Variants in NBEA observed in about 807,000 individuals in gnomAD.
NBEA encodes the protein lysosomal-trafficking regulator 2.
A neutral mutation model predicts 343.4 loss-of-function variants in NBEA; 44 were observed. The observed-to-expected ratio is 0.13, with a 90% CI of 0.10 to 0.16. The LOEUF (loss-of-function observed/expected upper bound fraction) is 0.16, where lower values mean the gene tolerates loss of function less well. NBEA is among the 10% of genes least tolerant of loss of function. NBEA has a pLI of 1.00. For missense variants in NBEA, 2,555 were observed against 3,631.3 expected, an observed-to-expected ratio of 0.70 and a Z score of 7.62; for synonymous variants, 1,175 against 1,238.7, an observed-to-expected ratio of 0.95 and a Z score of 1.08.
At chr13:35,668,543 T>G (rs2085461429) in intron 58 of NBEA, 24 bp downstream of exon 58, 1 of 1,557,574 alleles carries the variant, frequency 6.4e-7, no homozygotes, top group African/African-American at 1.4e-5. Flanking sequence ...AGGACAAGTA[T>G]CATCACTGAG....
intron 8 of NBEA, among the ~76,000 whole-genome samples, chr13:35,063,289 G>C (rs1427077094): frequency 6.6e-6 from 1 of 151,960 alleles, no homozygotes; most frequent in Non-Finnish European, 1.5e-5. Context: ...GAGAAGTAGG[G>C]TGTGCAGTAT....
chr13:35,266,294 T>C (rs1426808999), intron 34 of NBEA, among the ~76,000 whole-genome samples: 7 of 151,870 alleles, frequency 4.6e-5, no homozygotes, highest in Non-Finnish European at 8.8e-5. Context: ...TTCAAAAACC[T>C]AAAAACAGAA....
rs193162373 is a variant in NBEA at position 35,425,795 on chromosome 13, G to A, written c.6180-6474G>A. On this transcript the variant is annotated intron_variant, in intron 38 of 58. Transcript: ENST00000379939. The stretch of plus-strand genomic sequence containing the variant: ...GTGTGGGAGTCTGAGTCTCTTTGTA[G>A]GTCACTAAGGACTTGCTTTATGAAT... Among the ~76,000 whole-genome samples, 866 of 152,126 alleles carry A rather than the reference G, an allele frequency of 5.7e-3. 16 individuals are homozygous for A. Among genetic ancestry groups the A allele is most frequent in the African/African-American group, 0.02 (815 of 41,494 alleles).
chr13:35,319,921 T>A (rs1486279078), intron 36 of NBEA, among the ~76,000 whole-genome samples: 1 of 150,630 alleles, frequency 6.6e-6, no homozygotes, highest in South Asian at 2.1e-4. Flanking sequence ...AACCTCTGCT[T>A]TTTTTTTTGC....
In NBEA at chr13:35,352,137, T is replaced by C. The variant is rs201393126; in HGVS notation, c.6013-20T>C. On this transcript the variant is annotated intron_variant, in intron 37 of 58. Coordinates refer to ENST00000379939, the MANE Select transcript of NBEA (RefSeq NM_001385012.1). ...GCAGTAAAAAGTTTATTATTATGCA[T>C]CATTTGTATTTCTTTATAGTCACAG... 3.1e-5 allele frequency: 43 copies of C among 1,383,804 alleles called. 1 individual carries two copies. In the African/African-American group the frequency reaches 6.1e-4, roughly 20 times the overall value. The allele number at this position is 1,383,804 out of a possible 1,614,324, so 85.7% of individuals were successfully genotyped here.
intron 34 of NBEA, among the ~76,000 whole-genome samples, chr13:35,287,469 A>G (rs990369393): frequency 2.0e-5 from 3 of 151,848 alleles, no homozygotes; most frequent in African/African-American, 7.3e-5. Context: ...ATCTTAATCT[A>G]TCTTTGGTTT....
intron 38 of NBEA, among the ~76,000 whole-genome samples, chr13:35,387,018 T>C (rs867305051): frequency 7.2e-5 from 11 of 152,276 alleles, no homozygotes; most frequent in African/African-American, 1.2e-4. Context: ...TAGTGATTTT[T>C]TCATGCCCTT....
intron 1 of NBEA, among the ~76,000 whole-genome samples, chr13:35,006,979 G>A (rs1228591069): frequency 3.9e-5 from 6 of 152,160 alleles, no homozygotes; most frequent in Admixed American, 2.6e-4. Context: ...TTCAGTTTTC[G>A]AACAATATGT....
At chr13:35,615,129 C>CAAAAAAAAA (rs34475826) in intron 48 of NBEA, among the ~76,000 whole-genome samples, 20 of 110,914 alleles carry the variant, frequency 1.8e-4, no homozygotes, top group Non-Finnish European at 2.6e-4. Context: ...ACTAAAAATA[C>CAAAAAAAAA]AAAAAAAAAA....
chr13:35,298,604 C>G (rs2036318866), intron 35 of NBEA, among the ~76,000 whole-genome samples: 1 of 151,802 alleles, frequency 6.6e-6, no homozygotes, highest in African/African-American at 2.4e-5. Flanking sequence ...TTAAAAATAT[C>G]TTGTAAAACA....
intron 38 of NBEA, among the ~76,000 whole-genome samples, chr13:35,393,285 A>T (rs1444000373): frequency 6.6e-6 from 1 of 152,166 alleles, no homozygotes; most frequent in Non-Finnish European, 1.5e-5. Flanking sequence ...CCTGGTAGAC[A>T]ACTAAATGTA....
rs35904333 is a variant in NBEA, at chr13:35,221,342, C to CAA, written c.5648+10173_5648+10174dup. ...CTGGCGACAGAGTGAGACACTATTT[C>CAA]AAAAAAAAAAACAAAAAACTAAAAA... On this transcript the variant is annotated intron_variant, in intron 33 of 58. Coordinates refer to ENST00000379939, the MANE Select transcript of NBEA (RefSeq NM_001385012.1). 5.0e-4 allele frequency among the ~76,000 whole-genome samples: 69 copies of CAA among 137,692 alleles called. 1 individual carries two copies. Among genetic ancestry groups the CAA allele is most frequent in the South Asian group, 1.4e-3 (6 of 4,312 alleles). The allele number at this position is 137,692 out of a possible 152,430, so 90.3% of individuals were successfully genotyped here. A position where few individuals can be genotyped will look rare whatever the true frequency, so the allele number is the denominator to read the frequency against.
At chr13:35,093,476 G>A (rs538957060) in intron 10 of NBEA, among the ~76,000 whole-genome samples, 3 of 151,896 alleles carry the variant, frequency 2.0e-5, no homozygotes, top group East Asian at 1.9e-4. Context: ...TTGCATTTGC[G>A]AATTCCAGCA....
intron 48 of NBEA, 68 bp from the exon 49 acceptor site, chr13:35,628,013 A>C (rs1400748713): frequency 1.6e-6 from 2 of 1,230,854 alleles, no homozygotes; most frequent in Non-Finnish European, 2.2e-6. Context: ...AAAGTAAAAA[A>C]AAAATAAAAG....
intron 38 of NBEA, among the ~76,000 whole-genome samples, chr13:35,352,751 T>C (rs1381496559): frequency 6.6e-6 from 1 of 152,114 alleles, no homozygotes; most frequent in African/African-American, 2.4e-5. Flanking sequence ...AAATAATATG[T>C]TCTTTTAAAA....
At position 35,069,643 on chromosome 13, in the gene NBEA, G is replaced by C. The variant is rs111891886; in HGVS notation, c.1240-265G>C. Among the ~76,000 whole-genome samples, 6 of 152,138 alleles carry C rather than the reference G, an allele frequency of 3.9e-5. 1 individual carries two copies. Among genetic ancestry groups the C allele is most frequent in the African/African-American group, 1.4e-4 (6 of 41,526 alleles). ...CCTATTTATATATAATATCAGGTTT[G>C]ATATTTTTTCTAATGAAATGATTTT... On this transcript the variant is annotated intron_variant, in intron 8 of 58. Coordinates refer to ENST00000379939, the MANE Select transcript of NBEA (RefSeq NM_001385012.1).
At chr13:35,207,252 G>A (rs937996340) in intron 31 of NBEA, among the ~76,000 whole-genome samples, 4 of 151,902 alleles carry the variant, frequency 2.6e-5, no homozygotes, top group Non-Finnish European at 5.9e-5. Context: ...TGATATTAAG[G>A]AAGTTTAAGC....
rs534848511 is a variant in NBEA at position 35,460,527 on chromosome 13, A to G, written c.6448+8292A>G. Among the ~76,000 whole-genome samples the G allele has an allele frequency of 2.0e-5, 3 of 152,338 alleles. No individual in the cohort carries two copies. In the South Asian group the frequency reaches 6.2e-4, roughly 32 times the overall value. On this transcript the variant is annotated intron_variant, in intron 40 of 58. Coordinates refer to ENST00000379939, the MANE Select transcript of NBEA (RefSeq NM_001385012.1). ...AAAATAAATAAAAGCTTCATCTTGAATATTGAGCCTCTTTGCCTCTTTTCA... is the reference window on the plus strand; with the variant it reads ...AAAATAAATAAAAGCTTCATCTTGAGTATTGAGCCTCTTTGCCTCTTTTCA...
chr13:35,350,528 T>C (rs1289455377), intron 37 of NBEA, among the ~76,000 whole-genome samples: 1 of 152,056 alleles, frequency 6.6e-6, no homozygotes, highest in Non-Finnish European at 1.5e-5. Context: ...GAGATTACTC[T>C]CGTTGTGGGT....
Sources: gnomAD v4.1 joint callset for allele counts (sites outside exome capture counted in the v4.1 genomes callset) on GRCh38, gnomAD v4.1.1 for gene constraint, MANE v1.5 for transcripts, NCBI Gene and HGNC (gene_info 2026-07-23, HGNC 2026-07-21) for gene names.